Variants in NDST3 observed in about 807,000 individuals in gnomAD.
The protein encoded by NDST3 is bifunctional heparan sulfate N-deacetylase/N-sulfotransferase 3.
Under a neutral mutation model 96.1 loss-of-function variants are expected in NDST3, and 58 were observed. The ratio of observed to expected loss-of-function variants is 0.60; its 90% confidence interval spans 0.49 to 0.75. The LOEUF is 0.75. Ranked by LOEUF, NDST3 falls within the 30% of genes least tolerant of loss-of-function variation. The probability of loss-of-function intolerance (pLI) is 0.00; values close to 1 mark genes in which losing one functional copy is unlikely to be tolerated. For missense variants in NDST3, 788 were observed against 1,034.2 expected (o/e 0.76, Z 3.27); for synonymous variants, 333 against 359.7 (o/e 0.93, Z 0.84).
At chr4:118,202,982 G>A (rs1254722593) in intron 6 of NDST3, among the ~76,000 whole-genome samples, 1 of 152,128 alleles carries the variant, frequency 6.6e-6, no homozygotes, top group Non-Finnish European at 1.5e-5. Context: ...TTTGAAGTAT[G>A]TTCCTTCATT....
intron 6 of NDST3, among the ~76,000 whole-genome samples, chr4:118,220,243 T>C (rs1187497337): frequency 1.3e-5 from 2 of 152,026 alleles, no homozygotes; most frequent in Non-Finnish European, 2.9e-5. Flanking sequence ...AAAGAAAATG[T>C]GGTACATATA....
chr4:118,230,574 CAA>C (rs552747610), intron 8 of NDST3, among the ~76,000 whole-genome samples: 11 of 106,256 alleles, frequency 1.0e-4, no homozygotes, highest in Non-Finnish European at 1.2e-4. Context: ...GACTCCGTTT[CAA>C]AAAAAAAAAA....
upstream of NDST3, among the ~76,000 whole-genome samples, chr4:118,033,467 C>A (rs1723984267): frequency 6.6e-6 from 1 of 152,124 alleles, no homozygotes; most frequent in South Asian, 2.1e-4. Context: ...CTTGTCGAGG[C>A]CCGGGCAGCC....
chr4:118,099,569 GT>G (rs1257944866), intron 2 of NDST3, among the ~76,000 whole-genome samples: 1 of 152,068 alleles, frequency 6.6e-6, no homozygotes, highest in African/African-American at 2.4e-5. Context: ...GCAGTGCTAT[GT>G]CTATAGATTT....
rs1298839801 is a variant in NDST3 at position 118,054,794 on chromosome 4, A to G, written c.884A>G (p.Lys295Arg). Residue 295 changes from lysine to arginine, a missense_variant, in exon 2 of 14, where the codon AAG becomes AGG. By Grantham distance (26) the Lys-to-Arg change is conservative. Transcript: ENST00000296499. ...GATGCCATCTCCTTCTTATCAGGGA[A>G]GAGGCTGACATTGTCCTTGGACAGG... ...FIDAISFLSG[K>R]RLTLSLDRYI... The G allele has an allele frequency of 3.1e-6, 5 of 1,613,286 alleles. No homozygotes were observed. The African/African-American group carries it at 4.0e-5, about 13-fold the overall frequency.
At chr4:118,241,969 A>C (rs931349676) in intron 11 of NDST3, 71 bp from the exon 12 acceptor site, 7 of 1,083,650 alleles carry the variant, frequency 6.5e-6, no homozygotes, top group African/African-American at 6.3e-5. Context: ...ATGAGTTTAG[A>C]ATGCAGAAAT....
At chr4:118,098,046 T>TA (rs1553930865) in intron 2 of NDST3, among the ~76,000 whole-genome samples, 1 of 88,718 alleles carries the variant, frequency 1.1e-5, no homozygotes, top group Admixed American at 1.5e-4. Flanking sequence ...TTAATTACTG[T>TA]GGTTTTTTTT....
intron 12 of NDST3, among the ~76,000 whole-genome samples, chr4:118,242,641 C>CT (rs1560741873): frequency 6.6e-6 from 1 of 152,128 alleles, no homozygotes; most frequent in African/African-American, 2.4e-5. Context: ...AACAAACGTC[C>CT]TTTTTTATTT....
chr4:118,124,706 A>T (rs1159880560), intron 4 of NDST3, among the ~76,000 whole-genome samples: 1 of 152,094 alleles, frequency 6.6e-6, no homozygotes, highest in Non-Finnish European at 1.5e-5. Flanking sequence ...CTCTTTTCTT[A>T]CTGTATACTA....
intron 6 of NDST3, among the ~76,000 whole-genome samples, chr4:118,188,031 T>C (rs1271808732): frequency 1.3e-5 from 2 of 152,130 alleles, no homozygotes; most frequent in African/African-American, 4.8e-5. Context: ...AAATACACTT[T>C]GGCCTAATGA....
Position 118,237,190 on chromosome 4 carries a change from C to T in NDST3, c.2088C>T (p.Asp696=), listed in dbSNP as rs138955155. The T allele has an allele frequency of 0.011, 17,720 of 1,612,554 alleles. 254 individuals are homozygous for T. The highest frequency in any genetic ancestry group is 0.068 in the Middle Eastern group (410 of 6,046). Residue 696 remains aspartate (D), a synonymous_variant, in exon 10 of 14, where the codon GAC becomes GAT. Transcript: ENST00000296499. ...PKAKIITILI[D]PSDRAYSWYQ... ...CCAAGATTATCACCATTCTCATTGA[C>T]CCTTCAGACCGAGCATACTCCTGGT...
intron 7 of NDST3, among the ~76,000 whole-genome samples, chr4:118,225,336 T>C (rs563987670): frequency 6.6e-6 from 1 of 152,224 alleles, no homozygotes; most frequent in Non-Finnish European, 1.5e-5. Flanking sequence ...GTCCACTCCA[T>C]GATCTGTGAA....
At chr4:118,067,966 A>T (rs1417872189) in intron 2 of NDST3, among the ~76,000 whole-genome samples, 1 of 152,034 alleles carries the variant, frequency 6.6e-6, no homozygotes, top group Non-Finnish European at 1.5e-5. Context: ...AAAGAAATTG[A>T]CACAATTTCA....
chr4:118,250,638 C>A (rs1032858271), intron 12 of NDST3, among the ~76,000 whole-genome samples: 2 of 152,118 alleles, frequency 1.3e-5, no homozygotes, highest in Non-Finnish European at 2.9e-5. Context: ...GCATGCAGCA[C>A]CATGCCCGGC....
intron 6 of NDST3, among the ~76,000 whole-genome samples, chr4:118,165,457 T>C (rs1473550156): frequency 6.6e-6 from 1 of 151,894 alleles, no homozygotes; most frequent in Non-Finnish European, 1.5e-5. Flanking sequence ...AAGGGAGAAA[T>C]AGACAGTAAC....
At chr4:118,211,872 G>C (rs1336238295) in intron 6 of NDST3, among the ~76,000 whole-genome samples, 1 of 152,132 alleles carries the variant, frequency 6.6e-6, no homozygotes, top group Non-Finnish European at 1.5e-5. Context: ...CCTGTGTCAA[G>C]GAGTCCCCTT....
chr4:118,044,044 G>A (rs1294928291), intron 1 of NDST3, among the ~76,000 whole-genome samples: 2 of 152,260 alleles, frequency 1.3e-5, no homozygotes, highest in Admixed American at 6.5e-5. Flanking sequence ...TAAACAGTGA[G>A]AGCAAATACT....
chr4:118,129,756 G>A (rs754393411), intron 4 of NDST3, among the ~76,000 whole-genome samples: 24 of 151,936 alleles, frequency 1.6e-4, no homozygotes, highest in Non-Finnish European at 3.5e-4. Context: ...TCCTGTCTGG[G>A]ACATCTGTCC....
At chr4:118,182,928 T>G (rs929778025) in intron 6 of NDST3, among the ~76,000 whole-genome samples, 15 of 151,770 alleles carry the variant, frequency 9.9e-5, no homozygotes, top group African/African-American at 3.4e-4. Context: ...ATTCTGCTGT[T>G]TATGATAAAC....
Sources: gnomAD v4.1 joint callset for allele counts (sites outside exome capture counted in the v4.1 genomes callset) on GRCh38, gnomAD v4.1.1 for gene constraint, MANE v1.5 for transcripts, NCBI Gene and HGNC (gene_info 2026-07-23, HGNC 2026-07-21) for gene names.